SMTN: variants seen among roughly 807,000 people sequenced by gnomAD.
SMTN encodes smoothelin.
In SMTN, 58 loss-of-function variants were observed where a neutral mutation model predicts 102.0. The observed-to-expected ratio is 0.57, with a 90% CI of 0.46 to 0.71. The LOEUF (loss-of-function observed/expected upper bound fraction) is 0.71. SMTN is among the 30% of genes least tolerant of loss of function. SMTN has a pLI of 0.00. For missense variants in SMTN, 1,185 were observed against 1,241.7 expected (o/e 0.95, Z 0.69); for synonymous variants, 478 against 497.9 (o/e 0.96, Z 0.53).
In SMTN at chr22:31,091,829, A is replaced by T; in HGVS notation, c.1614A>T (p.Arg538=). ...TSFSHAPPSS[R]GGCSIKMEAE... is the part of the protein sequence containing the mutation. Reference sequence around the variant, plus strand: ...TCAGCCATGCCCCCCCCAGTAGCCGAGGAGGCTGCAGCATCAAGGTGAGCC... The same window carrying T: ...TCAGCCATGCCCCCCCCAGTAGCCGTGGAGGCTGCAGCATCAAGGTGAGCC... Residue 538 remains arginine (R), a synonymous_variant, in exon 11 of 21, where the codon CGA becomes CGT. Transcript: ENST00000333137. 1 of 1,593,872 alleles carries T rather than the reference A, an allele frequency of 6.3e-7. No individual in the cohort carries two copies. The highest frequency in any genetic ancestry group is 8.6e-7 in the Non-Finnish European group (1 of 1,168,958).
intron 1 of SMTN, among the ~76,000 whole-genome samples, chr22:31,071,853 A>G (rs1431120426): frequency 6.6e-6 from 1 of 151,258 alleles, no homozygotes; most frequent in African/African-American, 2.4e-5. Context: ...ATGCCACCAC[A>G]CCCAGCTCAT....
chr22:31,075,668 G>A (rs1239642173), intron 1 of SMTN, among the ~76,000 whole-genome samples: 12 of 148,226 alleles, frequency 8.1e-5, no homozygotes, highest in East Asian at 2.0e-4. Context: ...GTGACAGAGC[G>A]AGACTCTGTC....
intron 2 of SMTN, chr22:31,084,980 G>T (rs2042569973): frequency 6.8e-7 from 1 of 1,459,982 alleles, no homozygotes; most frequent in South Asian, 1.4e-5. Flanking sequence ...GGCCCGCTCC[G>T]CCCGCCCTGC....
intron 18 of SMTN, 26 bp downstream of exon 18, chr22:31,099,205 T>G: frequency 6.6e-7 from 1 of 1,520,458 alleles, no homozygotes; most frequent in Non-Finnish European, 9.1e-7. Context: ...CCAGGGGGCC[T>G]GGAGGCCTCC....
intron 13 of SMTN, chr22:31,096,277 C>G (rs971203004): frequency 6.1e-6 from 1 of 164,072 alleles, no homozygotes. Context: ...CTTCTCAGAT[C>G]CCATCAATTG....
At chr22:31,084,441 C>A (rs887549564) in intron 2 of SMTN, among the ~76,000 whole-genome samples, 1 of 152,222 alleles carries the variant, frequency 6.6e-6, no homozygotes, top group African/African-American at 2.4e-5. Context: ...TGTTCTCGGA[C>A]CAGCGCATTA....
intron 2 of SMTN, among the ~76,000 whole-genome samples, chr22:31,084,307 G>A (rs1386309653): frequency 6.6e-6 from 1 of 152,214 alleles, no homozygotes; most frequent in Non-Finnish European, 1.5e-5. Context: ...TTACCTAGAA[G>A]ACAAGTGACC....
At chr22:31,071,857 A>G (rs2042012877) in intron 1 of SMTN, among the ~76,000 whole-genome samples, 2 of 151,466 alleles carry the variant, frequency 1.3e-5, no homozygotes, top group Admixed American at 6.6e-5. Flanking sequence ...CACCACACCC[A>G]GCTCATTTTT....
At position 31,074,603 on chromosome 22, in the gene SMTN, A is replaced by C. The variant is rs375064104; in HGVS notation, c.-385-5847A>C. Among the ~76,000 whole-genome samples the C allele has an allele frequency of 1.5e-4, 23 of 152,304 alleles. 1 individual carries two copies. The East Asian group carries it at 4.4e-3, about 29-fold the overall frequency. Reference sequence around the variant, plus strand: ...TCAGGAGTTCAAGACTAGCCTGGACAACATGGTGAAATCCTGTCTCTACTA... The same window carrying C: ...TCAGGAGTTCAAGACTAGCCTGGACCACATGGTGAAATCCTGTCTCTACTA... On this transcript the variant is annotated intron_variant, in intron 1 of 3. Coordinates refer to the SMTN transcript ENST00000422839.
chr22:31,071,648 A>C (rs951691448), intron 1 of SMTN, among the ~76,000 whole-genome samples: 1 of 151,810 alleles, frequency 6.6e-6, no homozygotes, highest in Admixed American at 6.6e-5. Context: ...ATTAAAAAAA[A>C]TTCAACTGGG....
In SMTN at chr22:31,087,949, C is replaced by G; in HGVS notation, c.52-16C>G. On this transcript the variant is annotated splice_polypyrimidine_tract_variant and intron_variant, in intron 2 of 20. Transcript: ENST00000333137. ...CCCTGGCAGCCAAAATGACCTGCCT[C>G]TCGCACCCACTGCAGCTGGAGGTCA... 6.4e-7 allele frequency: 1 copy of G among 1,573,748 alleles called. No individual in the cohort carries two copies. Among genetic ancestry groups the G allele is most frequent in the Non-Finnish European group, 8.7e-7 (1 of 1,155,650 alleles).
intron 1 of SMTN, among the ~76,000 whole-genome samples, chr22:31,074,072 A>G (rs1340458885): frequency 1.7e-4 from 26 of 152,228 alleles, no homozygotes; most frequent in Admixed American, 1.7e-3. Flanking sequence ...CCACTTCCGT[A>G]TATTCTATTG....
chr22:31,102,436 CAGGT>C (rs1034204848), intron 20 of SMTN: 2 of 152,348 alleles, frequency 1.3e-5, no homozygotes, highest in Non-Finnish European at 2.9e-5. Context: ...GAGTCAGTGA[CAGGT>C]AGGGGCACAC....
At chr22:31,100,675 C>T (rs1483404808) in intron 19 of SMTN, among the ~76,000 whole-genome samples, 6 of 152,188 alleles carry the variant, frequency 3.9e-5, no homozygotes, top group Non-Finnish European at 8.8e-5. Context: ...GTGAGCGGCA[C>T]GTCCACAGTG....
At chr22:31,077,183 G>A (rs5753453), upstream of SMTN, among the ~76,000 whole-genome samples, 8,459 of 152,146 alleles carry the variant, frequency 0.056, 503 homozygotes, top group East Asian at 0.34. Flanking sequence ...CAAGGCAGGC[G>A]GATTTCTTGA....
chr22:31,100,748 CTGTG>C (rs1485043018), intron 19 of SMTN, 133 bp from the exon 20 acceptor site: 2 of 584,316 alleles, frequency 3.4e-6, no homozygotes, highest in African/African-American at 1.9e-5. Context: ...ACTCATGTCT[CTGTG>C]TGTGTGTGTG....
Position 31,095,581 on chromosome 22 carries a change from A to T in SMTN, c.1833A>T (p.Ala611=). 6.2e-7 allele frequency: 1 copy of T among 1,613,844 alleles called. No individual in the cohort carries two copies. Among genetic ancestry groups the T allele is most frequent in the Non-Finnish European group, 8.5e-7 (1 of 1,179,932 alleles). ...AAGAGCGGAAGCTCATCCGGGCTGCACTTCGTGAGCTCCGACAAAGGAAGA... is the reference window on the plus strand; with the variant it reads ...AAGAGCGGAAGCTCATCCGGGCTGCTCTTCGTGAGCTCCGACAAAGGAAGA... ...DFEERKLIRA[A]LRELRQRKRD... The change falls in exon 13 of 21, where the codon GCA becomes GCT. Residue 611 remains alanine (A), a synonymous_variant. Coordinates refer to ENST00000333137, the MANE Select transcript of SMTN (RefSeq NM_134269.3). The surrounding 1 kb of genome is among the most constrained non-coding windows in gnomAD (Gnocchi z 4.1).
chr22:31,099,030 C>T (rs2043857901), intron 17 of SMTN, 32 bp from the exon 18 acceptor site: 2 of 1,592,948 alleles, frequency 1.3e-6, no homozygotes, highest in African/African-American at 1.3e-5. Flanking sequence ...CCCTTATAGT[C>T]GTGTGACCTG....
rs376066622 is a variant in SMTN, at chr22:31,095,573, C to G, written c.1825C>G (p.Arg609Gly). ...GGACTTTGAAGAGCGGAAGCTCATC[C>G]GGGCTGCACTTCGTGAGCTCCGACA... is the stretch of plus-strand genomic sequence containing the variant. Reference protein sequence around the residue: ...STDFEERKLIRAALRELRQRK... With the variant: ...STDFEERKLIGAALRELRQRK... The change falls in exon 13 of 21, where the codon CGG (arginine) becomes GGG (glycine). Residue 609 changes from arginine (R) to glycine (G), a missense_variant. Arg to Gly is a moderately radical substitution (Grantham distance 125). Transcript: ENST00000333137. The surrounding 1 kb of genome is among the most constrained non-coding windows in gnomAD (Gnocchi z 4.1). 1 of 1,613,958 alleles carries G rather than the reference C, an allele frequency of 6.2e-7. No homozygotes were observed. Among genetic ancestry groups the G allele is most frequent in the East Asian group, 2.2e-5 (1 of 44,878 alleles).
Sources: gnomAD v4.1 joint callset for allele counts (sites outside exome capture counted in the v4.1 genomes callset) on GRCh38, gnomAD v4.1.1 for gene constraint, Gnocchi (gnomAD v3.1) non-coding constraint, MANE v1.5 for transcripts, NCBI Gene and HGNC (gene_info 2026-07-23, HGNC 2026-07-21) for gene names.